Variants in HACD2 observed in about 807,000 individuals in gnomAD.
HACD2 encodes very-long-chain (3R)-3-hydroxyacyl-CoA dehydratase 2.
HACD2 carries 15 observed loss-of-function variants against 31.0 expected under a neutral mutation model. The ratio of observed to expected loss-of-function variants is 0.48; its 90% CI spans 0.32 to 0.75. The LOEUF (loss-of-function observed/expected upper bound fraction) is 0.75, where lower values mean the gene tolerates loss of function less well. Ranked by LOEUF, HACD2 falls within the 30% of genes least tolerant of loss-of-function variation. HACD2 has a pLI of 0.03. For synonymous variants in HACD2, 115 were observed against 122.2 expected (o/e 0.94, Z 0.39); for missense variants, 283 against 313.0 (o/e 0.90, Z 0.72).
rs200068437 is a variant in HACD2, at chr3:123,492,672, G to A, written c.*2216C>T. The A allele has an allele frequency of 1.3e-5, 2 of 152,260 alleles. No individual in the cohort carries two copies. The highest frequency in any genetic ancestry group is 3.9e-4 in the East Asian group (2 of 5,174). 9.4% of individuals were successfully genotyped at this position (152,260 alleles called of 1,614,324 possible). A position where few individuals can be genotyped will look rare whatever the true frequency, so the allele number is the denominator to read the frequency against. ...GTTTGCAACAGAATGTTTTTTATAAGTAGTGACAAATTATAATAAGGAGGC... is the reference window on the plus strand; with the variant it reads ...GTTTGCAACAGAATGTTTTTTATAAATAGTGACAAATTATAATAAGGAGGC... On this transcript the variant is annotated 3_prime_UTR_variant, in exon 7 of 7. Coordinates refer to ENST00000383657, the MANE Select transcript of HACD2 (RefSeq NM_198402.5).
At chr3:123,509,499 CTTCT>C (rs1559901908) in intron 4 of HACD2, among the ~76,000 whole-genome samples, 8 of 32,840 alleles carry the variant, frequency 2.4e-4, no homozygotes, top group Non-Finnish European at 3.8e-4. Context: ...CTTCCTGTGA[CTTCT>C]TTTTTTTTTT....
At chr3:123,496,013 C>T (rs1361462204) in intron 6 of HACD2, among the ~76,000 whole-genome samples, 3 of 152,178 alleles carry the variant, frequency 2.0e-5, no homozygotes, top group Non-Finnish European at 4.4e-5. Context: ...TCTCCAACAG[C>T]TCCAATCTCT....
At chr3:123,582,370 A>T (rs1340416238) in intron 1 of HACD2, 41 bp from the exon 2 acceptor site, 45 of 1,403,038 alleles carry the variant, frequency 3.2e-5, no homozygotes, top group Non-Finnish European at 4.4e-5. Context: ...AAATAAAAAT[A>T]AAAAAAGTAG....
chr3:123,585,033 G>A lies in HACD2; in HGVS notation c.-6C>T, dbSNP rs910151363. On this transcript the variant is annotated 5_prime_UTR_variant, in exon 1 of 7. Transcript: ENST00000383657. ...GTCGCCGCCACTGCCGCCATGTCAAGTGCCCGAAGCCCGCTCTCCTAGCGC... is the reference window on the plus strand; with the variant it reads ...GTCGCCGCCACTGCCGCCATGTCAAATGCCCGAAGCCCGCTCTCCTAGCGC... 1.8e-5 allele frequency: 26 copies of A among 1,476,212 alleles called. No individual in the cohort carries two copies. The highest frequency in any genetic ancestry group is 2.3e-5 in the Admixed American group (1 of 42,634). The allele number at this position is 1,476,212 out of a possible 1,614,324, so 91.4% of individuals were successfully genotyped here.
intron 3 of HACD2, among the ~76,000 whole-genome samples, chr3:123,551,102 G>A (rs1417356801): frequency 6.6e-6 from 1 of 152,142 alleles, no homozygotes; most frequent in Non-Finnish European, 1.5e-5. Context: ...GAGGACAGAG[G>A]TGACCTTGTT....
rs113368581 is a variant in HACD2 at position 123,542,543 on chromosome 3, C to T, written c.293-14069G>A. Among the ~76,000 whole-genome samples, 642 of 152,282 alleles carry T rather than the reference C, an allele frequency of 4.2e-3. 3 individuals carry two copies. The highest frequency in any genetic ancestry group is 0.015 in the African/African-American group (608 of 41,556). On this transcript the variant is annotated intron_variant, in intron 3 of 6. Coordinates refer to ENST00000383657, the MANE Select transcript of HACD2 (RefSeq NM_198402.5). ...ATTACACATAAAGATGTATGCTAAA[C>T]GCATAAGCCAAAGACTAAAACATCT...
chr3:123,499,515 AGTT>A (rs2107679055), intron 6 of HACD2: 5 of 411,050 alleles, frequency 1.2e-5, no homozygotes, highest in South Asian at 8.7e-5. Flanking sequence ...ATCTGGATGT[AGTT>A]TTTTTCTCAC....
At chr3:123,496,143 C>G (rs2055829894) in intron 6 of HACD2, among the ~76,000 whole-genome samples, 1 of 152,176 alleles carries the variant, frequency 6.6e-6, no homozygotes, top group South Asian at 2.1e-4. Flanking sequence ...CCCCACTCAG[C>G]CTCCTGAGTA....
At chr3:123,537,003 T>G (rs901201431) in intron 3 of HACD2, among the ~76,000 whole-genome samples, 1 of 152,180 alleles carries the variant, frequency 6.6e-6, no homozygotes, top group South Asian at 2.1e-4. Flanking sequence ...GGAGAAGTCA[T>G]AATAAAAATG....
chr3:123,555,781 A>G lies in HACD2; in HGVS notation c.292+11981T>C, dbSNP rs1479809279. On this transcript the variant is annotated intron_variant, in intron 3 of 6. Transcript: ENST00000383657. ...AGACCCATACAATACTGAAAAAAGAAGGAATAAAGTTAGAGGACTTCTACT... is the reference window on the plus strand; with the variant it reads ...AGACCCATACAATACTGAAAAAAGAGGGAATAAAGTTAGAGGACTTCTACT... Among the ~76,000 whole-genome samples, 4 of 152,232 alleles carry G rather than the reference A, an allele frequency of 2.6e-5. No individual in the cohort carries two copies. In the East Asian group the frequency reaches 7.7e-4, roughly 29 times the overall value.
chr3:123,560,060 C>T (rs1424842626), intron 3 of HACD2, among the ~76,000 whole-genome samples: 2 of 152,192 alleles, frequency 1.3e-5, no homozygotes, highest in Non-Finnish European at 2.9e-5. Flanking sequence ...CCAAGGAAAC[C>T]ATATGTACAA....
At chr3:123,519,628 A>T (rs2056188074) in intron 4 of HACD2, among the ~76,000 whole-genome samples, 2 of 152,156 alleles carry the variant, frequency 1.3e-5, no homozygotes, top group South Asian at 4.1e-4. Context: ...TGTCATATTT[A>T]TGTATTTTTA....
chr3:123,537,406 A>AT (rs1378525327), intron 3 of HACD2, among the ~76,000 whole-genome samples: 1 of 152,060 alleles, frequency 6.6e-6, no homozygotes, highest in Non-Finnish European at 1.5e-5. Context: ...ATCTACAAAA[A>AT]TTTTTTTAAA....
At chr3:123,552,256 C>T (rs2056627930) in intron 3 of HACD2, among the ~76,000 whole-genome samples, 1 of 152,046 alleles carries the variant, frequency 6.6e-6, no homozygotes, top group Admixed American at 6.6e-5. Flanking sequence ...GGCATTGCTT[C>T]TAAGGAAGAA....
intron 3 of HACD2, among the ~76,000 whole-genome samples, chr3:123,533,811 A>G (rs969290013): frequency 6.6e-6 from 1 of 152,178 alleles, no homozygotes; most frequent in Non-Finnish European, 1.5e-5. Context: ...GTAGTTCTCA[A>G]AAATAAGACT....
At chr3:123,534,905 C>A (rs1266554229) in intron 3 of HACD2, among the ~76,000 whole-genome samples, 2 of 151,590 alleles carry the variant, frequency 1.3e-5, no homozygotes, top group Admixed American at 6.6e-5. Flanking sequence ...TATTTCTGTA[C>A]AGCTATACAA....
intron 4 of HACD2, among the ~76,000 whole-genome samples, chr3:123,527,619 C>T (rs929828819): frequency 5.9e-5 from 9 of 152,110 alleles, no homozygotes; most frequent in African/African-American, 2.2e-4. Context: ...TTCCTTGAAG[C>T]GAGACAGTAA....
intron 4 of HACD2, among the ~76,000 whole-genome samples, chr3:123,525,155 GA>G (rs2056264633): frequency 1.3e-5 from 2 of 152,336 alleles, no homozygotes; most frequent in Admixed American, 1.3e-4. Flanking sequence ...CAGCAAGCCA[GA>G]AGGGGGCGGG....
chr3:123,567,000 G>C (rs377338622), intron 3 of HACD2, among the ~76,000 whole-genome samples: 2 of 152,116 alleles, frequency 1.3e-5, no homozygotes, highest in South Asian at 4.1e-4. Context: ...TAAATTGATG[G>C]GGCCATAACG....
Sources: gnomAD v4.1 joint callset for allele counts (sites outside exome capture counted in the v4.1 genomes callset) on GRCh38, gnomAD v4.1.1 for gene constraint, MANE v1.5 for transcripts, NCBI Gene and HGNC (gene_info 2026-07-23, HGNC 2026-07-21) for gene names.